Variants in CCDC57 observed in about 807,000 individuals in gnomAD.
The protein encoded by CCDC57 is coiled-coil domain containing 57, also known as coiled-coil domain-containing protein 57.
Under a neutral mutation model 118.9 loss-of-function variants are expected in CCDC57, and 118 were observed. The ratio of observed to expected loss-of-function variants is 0.99; its 90% CI spans 0.86 to 1.16. The LOEUF (loss-of-function observed/expected upper bound fraction) is 1.16. CCDC57 is among the 50% of genes most tolerant of loss of function. The pLI is 0.00. For synonymous variants in CCDC57, 527 were observed against 532.9 expected, an observed-to-expected ratio of 0.99 and a Z score of 0.15; for missense variants, 1,300 against 1,320.7, an observed-to-expected ratio of 0.98 and a Z score of 0.24.
In CCDC57 at chr17:82,172,672, A is replaced by C; in HGVS notation, c.1695T>G (p.Pro565=). Residue 565 remains proline (P), a synonymous_variant, in exon 12 of 20, where the codon CCT becomes CCG. Transcript: ENST00000665763. The surrounding 1 kb of genome is among the most constrained non-coding windows in gnomAD (Gnocchi z 5.2). ...CGGCATCTCCCCCAGCCTCTGGGTC[A>C]GGCTGGTTTGCATCTGTGCTCTCTG... The C allele has an allele frequency of 6.4e-7, 1 of 1,554,064 alleles. No homozygotes were observed. The highest frequency in any genetic ancestry group is 8.7e-7 in the Non-Finnish European group (1 of 1,149,044).
At chr17:82,160,996 A>T (rs1276294062) in intron 14 of CCDC57, among the ~76,000 whole-genome samples, 1 of 152,168 alleles carries the variant, frequency 6.6e-6, no homozygotes, top group African/African-American at 2.4e-5. Flanking sequence ...GAATTCTTAC[A>T]ACTCAAATAA....
chr17:82,145,187 A>AT (rs71166191), intron 16 of CCDC57, among the ~76,000 whole-genome samples: 60,656 of 139,180 alleles, frequency 0.44, 14,106 homozygotes, highest in East Asian at 0.88. Flanking sequence ...CACTTGGCTA[A>AT]TTTTTTTTTT....
At chr17:82,186,734 G>A (rs940011250) in intron 8 of CCDC57, among the ~76,000 whole-genome samples, 4 of 152,022 alleles carry the variant, frequency 2.6e-5, no homozygotes, top group African/African-American at 9.7e-5. Flanking sequence ...TTGGGTCCAG[G>A]AGTTGGAAAC....
intron 19 of CCDC57, among the ~76,000 whole-genome samples, chr17:82,125,377 A>AT (rs2037279246): frequency 1.4e-5 from 2 of 142,536 alleles, no homozygotes; most frequent in Non-Finnish European, 3.2e-5. Flanking sequence ...ATCTCTACTA[A>AT]ATTTTTTTTT....
rs33998629 is a variant in CCDC57 at position 82,125,378 on chromosome 17, AT to A, written c.2899+2313del. Reference sequence around the variant, plus strand: ...CATAGGGAGACACCATCTCTACTAAATTTTTTTTTTTTTTTGAGGCAGAGTC... The same window carrying A: ...CATAGGGAGACACCATCTCTACTAAATTTTTTTTTTTTTTGAGGCAGAGTC... On this transcript the variant is annotated intron_variant, in intron 19 of 19. Coordinates refer to ENST00000665763, the Ensembl canonical transcript of CCDC57. Among the ~76,000 whole-genome samples the A allele has an allele frequency of 6.1e-3, 883 of 145,892 alleles. 2 individuals carry two copies. Among genetic ancestry groups the A allele is most frequent in the Non-Finnish European group, 7.3e-3 (486 of 66,300 alleles).
chr17:82,127,999 G>A, intron 18 of CCDC57, 91 bp from the exon 18 acceptor site: 1 of 1,514,274 alleles, frequency 6.6e-7, no homozygotes, highest in Non-Finnish European at 8.8e-7. Context: ...GGAGCAGTAA[G>A]GCGACAGTGG....
At chr17:82,113,145 C>T in intron 19 of CCDC57, 5 of 545,678 alleles carry the variant, frequency 9.2e-6, no homozygotes, top group Non-Finnish European at 9.7e-6. Flanking sequence ...CAGACATCTA[C>T]TTGACCATCT....
At chr17:82,116,294 G>A (rs2035909919) in intron 19 of CCDC57, among the ~76,000 whole-genome samples, 2 of 151,756 alleles carry the variant, frequency 1.3e-5, no homozygotes, top group African/African-American at 4.8e-5. Context: ...AGGGTGGGAG[G>A]CAGGGGGGCC....
Position 82,115,743 on chromosome 17 carries a change from G to C in CCDC57, c.2899+11949C>G, listed in dbSNP as rs1459733060. ...AGATCGCACCACTGCACTCCAGCCG[G>C]GGCGACAGAGGGAGACTCTGTCTCA... On this transcript the variant is annotated intron_variant, in intron 19 of 19. Coordinates refer to ENST00000665763, the Ensembl canonical transcript of CCDC57. Among the ~76,000 whole-genome samples, 3 of 151,666 alleles carry C rather than the reference G, an allele frequency of 2.0e-5. No homozygotes were observed. In the East Asian group the frequency reaches 5.9e-4, roughly 30 times the overall value.
rs1460703889 is a variant in CCDC57 at position 82,135,812 on chromosome 17, C to T, written c.2456-1618G>A. Among the ~76,000 whole-genome samples, 8 of 58,218 alleles carry T rather than the reference C, an allele frequency of 1.4e-4. No homozygotes were observed. In the Admixed American group the frequency reaches 2.1e-3, roughly 15 times the overall value. 38.2% of individuals were successfully genotyped at this position (58,218 alleles called of 152,430 possible). A position where few individuals can be genotyped will look rare whatever the true frequency, so the allele number is the denominator to read the frequency against. On this transcript the variant is annotated intron_variant, in intron 16 of 19. Coordinates refer to ENST00000665763, the Ensembl canonical transcript of CCDC57. ...CGGTGGCTCACACCTGTAACCCCAG[C>T]ACACTGGGAGGCCGGGTGGGGGGGA...
intron 4 of CCDC57, among the ~76,000 whole-genome samples, chr17:82,196,917 TCCTGCA>T (rs2048371735): frequency 1.1e-5 from 1 of 89,150 alleles, no homozygotes; most frequent in Non-Finnish European, 2.2e-5. Flanking sequence ...CCCTCGTGAC[TCCTGCA>T]CCTGCAGAGA....
chr17:82,186,888 G>A (rs1160607824), intron 8 of CCDC57, among the ~76,000 whole-genome samples: 1 of 151,986 alleles, frequency 6.6e-6, no homozygotes, highest in Non-Finnish European at 1.5e-5. Context: ...GCTACAGCAA[G>A]CCGTGATCGC....
At chr17:82,197,800 T>G (rs542556974) in intron 4 of CCDC57, among the ~76,000 whole-genome samples, 1 of 152,194 alleles carries the variant, frequency 6.6e-6, no homozygotes, top group Non-Finnish European at 1.5e-5. Flanking sequence ...TCGCTCTCTC[T>G]GCTTGAGCTG....
At chr17:82,178,010 G>A (rs1433297125) in intron 11 of CCDC57, among the ~76,000 whole-genome samples, 3 of 152,162 alleles carry the variant, frequency 2.0e-5, no homozygotes, top group Non-Finnish European at 4.4e-5. Flanking sequence ...GCTCCTCAGT[G>A]TCCCCATGTC....
Position 82,150,221 on chromosome 17 carries a change from C to A in CCDC57, c.2455+1339G>T, listed in dbSNP as rs529518936. 6.6e-3 allele frequency among the ~76,000 whole-genome samples: 987 copies of A among 149,374 alleles called. 1 individual carries two copies. Among genetic ancestry groups the A allele is most frequent in the African/African-American group, 0.023 (924 of 39,424 alleles). On this transcript the variant is annotated intron_variant, in intron 16 of 19. Coordinates refer to ENST00000665763, the Ensembl canonical transcript of CCDC57. ...CCTAGAACCAGGCGCACACCCAGAA[C>A]CAGGCGCACACCCAGAACCAGGCGC...
Position 82,201,876 on chromosome 17 carries a change from C to T in CCDC57, c.69G>A (p.Ala23=), listed in dbSNP as rs184628935. 22 of 1,612,400 alleles carry T rather than the reference C, an allele frequency of 1.4e-5. 2 individuals are homozygous for T. Among genetic ancestry groups the T allele is most frequent in the South Asian group, 1.2e-4 (11 of 91,046 alleles). The change falls in exon 3 of 20, where the codon GCG becomes GCA. Residue 23 remains alanine (A), a synonymous_variant. Transcript: ENST00000665763. ...GCAGCTGGGTGCGGTGTGCCTGCAG[C>T]GCCCTCCACTCCTCCTCCTTGCGAA...
At chr17:82,178,499 T>C (rs2045804764) in exon 11 of CCDC57, 1 of 1,613,510 alleles carries the variant, frequency 6.2e-7, no homozygotes. Flanking sequence ...GGGGAGCCCA[T>C]GCATCCTCAG....
At chr17:82,107,440 G>A (rs761130780) in intron 19 of CCDC57, 6 of 469,490 alleles carry the variant, frequency 1.3e-5, no homozygotes, top group South Asian at 4.7e-5. Context: ...GCGTCTCTGC[G>A]CCTCCGTTTG....
rs368899561 is a variant in CCDC57, at chr17:82,195,272, C to T, written c.609G>A (p.Arg203=). ...GGGTGCCCCCAGTTACCTTAAGCTC[C>T]CGGGACAAGGCTGTGTTGCTCATGT... The change falls in exon 5 of 20, where the codon CGG becomes CGA. Residue 203 remains arginine (R), a synonymous_variant. Transcript: ENST00000665763. 3.6e-5 allele frequency: 57 copies of T among 1,593,382 alleles called. 1 individual carries two copies. Among genetic ancestry groups the T allele is most frequent in the African/African-American group, 2.7e-4 (20 of 74,530 alleles).
Sources: allele counts gnomAD v4.1 joint callset (sites outside exome capture counted in the v4.1 genomes callset), GRCh38; gene constraint gnomAD v4.1.1; non-coding constraint Gnocchi (gnomAD v3.1); transcripts MANE v1.5; gene names NCBI Gene and HGNC (gene_info 2026-07-23, HGNC 2026-07-21).